NELL2: variants seen among roughly 807,000 people sequenced by gnomAD.
NELL2 encodes protein kinase C-binding protein NELL2.
A neutral mutation model predicts 109.6 loss-of-function variants in NELL2; 41 were observed. The ratio of observed to expected loss-of-function variants is 0.37; its 90% CI spans 0.29 to 0.49. The LOEUF is 0.49. NELL2 is among the 20% of genes least tolerant of loss of function. NELL2 has a pLI of 0.98. For synonymous variants in NELL2, 355 were observed against 344.7 expected (o/e 1.03, Z -0.33); for missense variants, 900 against 1,008.3 (o/e 0.89, Z 1.45).
intron 11 of NELL2, among the ~76,000 whole-genome samples, chr12:44,710,799 A>C (rs1362517116): frequency 6.6e-6 from 1 of 152,146 alleles, no homozygotes; most frequent in Non-Finnish European, 1.5e-5. Flanking sequence ...CTCCATTCTC[A>C]GTAGTCCAGA....
upstream of NELL2, among the ~76,000 whole-genome samples, chr12:44,879,755 C>T (rs1390547059): frequency 6.6e-6 from 1 of 151,952 alleles, no homozygotes; most frequent in Non-Finnish European, 1.5e-5. Context: ...ATTATATCTC[C>T]TACAAAAAGA....
At chr12:44,761,278 G>A (rs2136549683) in intron 9 of NELL2, among the ~76,000 whole-genome samples, 1 of 152,300 alleles carries the variant, frequency 6.6e-6, no homozygotes, top group Admixed American at 6.5e-5. Context: ...TGAGGCAGAA[G>A]AATTGCTTGA....
chr12:44,794,904 T>C (rs1312042311), intron 3 of NELL2, among the ~76,000 whole-genome samples: 1 of 144,296 alleles, frequency 6.9e-6, no homozygotes, highest in Non-Finnish European at 1.5e-5. Context: ...ATATCTTGTC[T>C]CCCTGATTTG....
At chr12:44,612,340 T>C (rs1279849281) in intron 13 of NELL2, among the ~76,000 whole-genome samples, 1 of 152,002 alleles carries the variant, frequency 6.6e-6, no homozygotes, top group East Asian at 1.9e-4. Context: ...ACCCTGAAAC[T>C]ACATTCTTAG....
At chr12:44,582,060 T>C (rs1328179435) in intron 15 of NELL2, among the ~76,000 whole-genome samples, 1 of 152,150 alleles carries the variant, frequency 6.6e-6, no homozygotes, top group African/African-American at 2.4e-5. Context: ...CTTCCTTTCA[T>C]TTAAATCTCA....
chr12:44,821,778 T>G (rs1035161980), intron 2 of NELL2, among the ~76,000 whole-genome samples: 1 of 151,988 alleles, frequency 6.6e-6, no homozygotes, highest in Non-Finnish European at 1.5e-5. Flanking sequence ...AGTGCAGTGA[T>G]GCAATCTCGG....
At chr12:44,572,824 T>A (rs188823932) in intron 15 of NELL2, among the ~76,000 whole-genome samples, 5 of 152,318 alleles carry the variant, frequency 3.3e-5, no homozygotes, top group Admixed American at 1.3e-4. Context: ...GTGACATGGC[T>A]AAGAAGCCAC....
intron 13 of NELL2, among the ~76,000 whole-genome samples, chr12:44,644,604 G>GTATATA (rs1555190872): frequency 0.03 from 2,431 of 80,590 alleles, 36 homozygotes; most frequent in African/African-American, 0.055. Context: ...ATATATATAT[G>GTATATA]TATGTATATA....
chr12:44,650,148 G>C (rs1468516050), intron 13 of NELL2, among the ~76,000 whole-genome samples: 1 of 151,994 alleles, frequency 6.6e-6, no homozygotes, highest in African/African-American at 2.4e-5. Context: ...GTATTCCCTT[G>C]GATAATTACA....
At chr12:44,876,488 C>A (rs1195247417), upstream of NELL2, 1 of 1,346,000 alleles carries the variant, frequency 7.4e-7, no homozygotes, top group Admixed American at 3.0e-5. Flanking sequence ...GCCCAGGAGC[C>A]GTTGCAGCCT....
intron 2 of NELL2, among the ~76,000 whole-genome samples, chr12:44,827,034 C>T (rs1369479634): frequency 1.3e-5 from 2 of 152,122 alleles, no homozygotes; most frequent in African/African-American, 2.4e-5. Context: ...AGAGAGTAAA[C>T]TGCACTAAAT....
intron 12 of NELL2, among the ~76,000 whole-genome samples, chr12:44,675,567 T>C (rs1948280135): frequency 6.6e-6 from 1 of 152,144 alleles, no homozygotes; most frequent in Non-Finnish European, 1.5e-5. Context: ...AACTTTGTAA[T>C]TATTCGGAAT....
chr12:44,671,439 T>G (rs2136350736), intron 12 of NELL2, among the ~76,000 whole-genome samples: 1 of 151,580 alleles, frequency 6.6e-6, no homozygotes, highest in South Asian at 2.1e-4. Context: ...ATGACAAAGA[T>G]CAGACCAGAA....
chr12:44,821,235 G>C (rs528306870), intron 2 of NELL2, among the ~76,000 whole-genome samples: 2 of 151,966 alleles, frequency 1.3e-5, no homozygotes, highest in African/African-American at 4.8e-5. Flanking sequence ...TTTAAAATAA[G>C]CAAAAACAGC....
intron 1 of NELL2, among the ~76,000 whole-genome samples, chr12:44,909,138 C>G (rs1273448359): frequency 2.0e-5 from 3 of 151,842 alleles, no homozygotes. Context: ...AGAAATTCAA[C>G]TATGTCTCTT....
chr12:44,594,304 A>T (rs985664315), intron 15 of NELL2, among the ~76,000 whole-genome samples: 3 of 151,034 alleles, frequency 2.0e-5, no homozygotes, highest in Non-Finnish European at 3.0e-5. Context: ...AAAATATATT[A>T]TATATATATA....
chr12:44,557,669 T>G (rs1480364288), intron 15 of NELL2, among the ~76,000 whole-genome samples: 1 of 152,192 alleles, frequency 6.6e-6, no homozygotes. Context: ...GAATTGGCTA[T>G]TGAAAACACA....
chr12:44,713,938 T>C lies in NELL2; in HGVS notation c.1086+712A>G, dbSNP rs1592383244. ...GGTATTTAAAGAGGAAAATTAACTA[T>C]CAAATAAAAATGAAACCCTAAAGCA... On this transcript the variant is annotated intron_variant, in intron 10 of 19. Transcript: ENST00000429094. Among the ~76,000 whole-genome samples the C allele has an allele frequency of 2.0e-5, 3 of 151,892 alleles. No homozygotes were observed. The East Asian group carries it at 5.8e-4, about 29-fold the overall frequency.
chr12:44,660,634 G>A (rs1473338534), intron 13 of NELL2, among the ~76,000 whole-genome samples: 1 of 152,096 alleles, frequency 6.6e-6, no homozygotes, highest in Non-Finnish European at 1.5e-5. Flanking sequence ...CCCTAGGCTG[G>A]GGCAAGAGAA....
Sources: allele counts gnomAD v4.1 joint callset (sites outside exome capture counted in the v4.1 genomes callset), GRCh38; gene constraint gnomAD v4.1.1; transcripts MANE v1.5; gene names NCBI Gene and HGNC (gene_info 2026-07-23, HGNC 2026-07-21).